POLH: variants seen among roughly 807,000 people sequenced by gnomAD.
POLH encodes the protein DNA polymerase eta transcript.
A neutral mutation model predicts 73.6 loss-of-function variants in POLH; 53 were observed. That is an observed-to-expected ratio of 0.72 (90% CI 0.58 to 0.91). POLH has a LOEUF of 0.91. Among genes scored for constraint, POLH ranks in the 40% least tolerant of loss-of-function variants. The pLI, the probability that POLH is intolerant of heterozygous loss-of-function variation, is 0.00. For synonymous variants in POLH, 292 were observed against 308.5 expected, an observed-to-expected ratio of 0.95 and a Z score of 0.56; for missense variants, 768 against 865.4, an observed-to-expected ratio of 0.89 and a Z score of 1.41.
chr6:43,578,554 A>T (rs1763656663), intron 1 of POLH: 1 of 321,660 alleles, frequency 3.1e-6, no homozygotes, highest in Admixed American at 4.7e-5. Flanking sequence ...GGTCATGAAA[A>T]ACAAGGAACA....
intron 4 of POLH, among the ~76,000 whole-genome samples, chr6:43,595,576 T>C (rs1388035007): frequency 1.3e-5 from 2 of 151,948 alleles, no homozygotes; most frequent in Admixed American, 6.6e-5. Context: ...TGAAACCCCA[T>C]CCCTACTAAA....
chr6:43,598,201 C>CAAAAAAAAAAAAA (rs560020212), intron 5 of POLH, among the ~76,000 whole-genome samples: 758 of 73,156 alleles, frequency 0.01, 17 homozygotes, highest in African/African-American at 0.035. Context: ...AGACTGTCAC[C>CAAAAAAAAAAAAA]AAAAAAAAAA....
intron 3 of POLH, among the ~76,000 whole-genome samples, chr6:43,586,100 T>A (rs369521862): frequency 1.3e-5 from 2 of 152,174 alleles, no homozygotes; most frequent in East Asian, 1.9e-4. Flanking sequence ...GAGGTACCGA[T>A]GTTTTCATTT....
intron 1 of POLH, among the ~76,000 whole-genome samples, chr6:43,577,234 C>T (rs1446123340): frequency 1.3e-5 from 2 of 152,194 alleles, no homozygotes; most frequent in Non-Finnish European, 2.9e-5. Context: ...CGGAAAACCT[C>T]AACAGCTTTA....
chr6:43,603,872 T>C lies in POLH; in HGVS notation c.765-20T>C. On this transcript the variant is annotated intron_variant, in intron 6 of 10. Transcript: ENST00000372236. ...TAGTTATGATGTGACCTATCAATTC[T>C]TTGTCTCCTTTGTTATCAGCCGTAG... 6.2e-7 allele frequency: 1 copy of C among 1,612,686 alleles called. No homozygotes were observed. Among genetic ancestry groups the C allele is most frequent in the East Asian group, 2.2e-5 (1 of 44,822 alleles).
At chr6:43,610,284 C>G (rs189656083) in intron 9 of POLH, among the ~76,000 whole-genome samples, 10 of 152,020 alleles carry the variant, frequency 6.6e-5, no homozygotes, top group African/African-American at 2.4e-4. Context: ...AGGCTAGTCT[C>G]GAACTCCTGA....
At chr6:43,594,130 T>C (rs1765784770) in intron 4 of POLH, among the ~76,000 whole-genome samples, 1 of 152,028 alleles carries the variant, frequency 6.6e-6, no homozygotes, top group Non-Finnish European at 1.5e-5. Flanking sequence ...AAAATCTACA[T>C]TGCCACAGGA....
At chr6:43,582,484 A>C in intron 2 of POLH, 28 bp downstream of exon 2, 1 of 1,608,122 alleles carries the variant, frequency 6.2e-7, no homozygotes, top group Non-Finnish European at 8.5e-7. Context: ...TGTCACAACT[A>C]TTCAATGGTA....
At position 43,617,318 on chromosome 6, in the gene POLH, C is replaced by T. The variant is rs1221270859; in HGVS notation, c.*2761C>T. Among the ~76,000 whole-genome samples, 3 of 152,110 alleles carry T rather than the reference C, an allele frequency of 2.0e-5. No individual in the cohort carries two copies. The highest frequency in any genetic ancestry group is 7.2e-5 in the African/African-American group (3 of 41,426). On this transcript the variant is annotated 3_prime_UTR_variant, in exon 11 of 11. Transcript: ENST00000372236. ...ACCACTATTCCCACTTAATTGTAAT[C>T]TGATATTAACAAGATTTCCCAATGT...
intron 7 of POLH, 79 bp from the exon 8 acceptor site, chr6:43,604,536 T>C: frequency 6.8e-7 from 1 of 1,464,684 alleles, no homozygotes; most frequent in South Asian, 1.1e-5. Context: ...AAAAGGGCAA[T>C]ATAATATAGT....
intron 5 of POLH, among the ~76,000 whole-genome samples, chr6:43,598,655 A>G (rs992364611): frequency 6.6e-6 from 1 of 151,824 alleles, no homozygotes; most frequent in Non-Finnish European, 1.5e-5. Flanking sequence ...AAAGAAAAAG[A>G]AAAGAAAAAC....
rs1032974495 is a variant in POLH at position 43,613,736 on chromosome 6, A to G, written c.1321A>G (p.Thr441Ala). 6.2e-7 allele frequency: 1 copy of G among 1,613,552 alleles called. No homozygotes were observed. The highest frequency in any genetic ancestry group is 1.3e-5 in the African/African-American group (1 of 74,836). Residue 441 changes from threonine (T) to alanine (A), a missense_variant, in exon 11 of 11, where the codon ACC (threonine) becomes GCC (alanine). Physicochemically the swap from Thr to Ala is moderately conservative, Grantham distance 58 (BLOSUM62 0). Transcript: ENST00000372236. ...TGCCCCTTCATCTTCTACAGACATC[A>G]CCAGCTTCTTGAGCAGTGACCCAAG... ...ASAPSSSTDI[T>A]SFLSSDPSSL... is the part of the protein sequence containing the mutation.
chr6:43,611,283 A>G (rs1334153341), intron 10 of POLH, among the ~76,000 whole-genome samples: 3 of 152,206 alleles, frequency 2.0e-5, no homozygotes, highest in Non-Finnish European at 2.9e-5. Context: ...ACAGAGCTCA[A>G]ATTTCAAGGA....
intron 3 of POLH, among the ~76,000 whole-genome samples, chr6:43,586,235 T>C (rs1764807282): frequency 6.6e-6 from 1 of 151,992 alleles, no homozygotes; most frequent in Non-Finnish European, 1.5e-5. Flanking sequence ...TCCCAGCACT[T>C]GGGGAGGCCG....
Position 43,604,006 on chromosome 6 carries a change from G to A in POLH, c.879G>A (p.Lys293=). Residue 293 remains lysine, a synonymous_variant, in exon 7 of 11, where the codon AAG becomes AAA. Transcript: ENST00000372236. ...AGCTCCAGAGTCATTTTGGGGAGAAGAATGGGTAAGTGATTCATTTTTTTT... is the reference window on the plus strand; with the variant it reads ...AGCTCCAGAGTCATTTTGGGGAGAAAAATGGGTAAGTGATTCATTTTTTTT... The part of the protein sequence containing the change: ...ESQLQSHFGE[K]NGSWLYAMCR... The A allele has an allele frequency of 6.2e-7, 1 of 1,612,842 alleles. No homozygotes were observed. The highest frequency in any genetic ancestry group is 8.5e-7 in the Non-Finnish European group (1 of 1,178,864).
rs189392491 is a variant in POLH at position 43,609,478 on chromosome 6, G to T, written c.1075-1076G>T. 2.4e-3 allele frequency among the ~76,000 whole-genome samples: 358 copies of T among 152,120 alleles called. 4 individuals carry two copies. Among genetic ancestry groups the T allele is most frequent in the Middle Eastern group, 3.4e-3 (1 of 294 alleles). On this transcript the variant is annotated intron_variant, in intron 9 of 10. Transcript: ENST00000372236. The stretch of plus-strand genomic sequence containing the variant: ...CTTCTCACTAGCATCTTTTGATAGG[G>T]GTCCCTTATGTAGAATTTTCACCTT...
At chr6:43,598,201 C>CAA (rs560020212) in intron 5 of POLH, among the ~76,000 whole-genome samples, 19 of 73,320 alleles carry the variant, frequency 2.6e-4, no homozygotes, top group Admixed American at 4.6e-4. Context: ...AGACTGTCAC[C>CAA]AAAAAAAAAA....
chr6:43,577,335 C>T (rs1032183566), intron 1 of POLH, among the ~76,000 whole-genome samples: 2 of 152,178 alleles, frequency 1.3e-5, no homozygotes, highest in South Asian at 2.1e-4. Flanking sequence ...ATTCTTGCTC[C>T]ACTTCTGGTA....
Position 43,619,726 on chromosome 6 carries a change from G to A in POLH, c.*5169G>A, listed in dbSNP as rs1411676165. 6.6e-6 allele frequency among the ~76,000 whole-genome samples: 1 copy of A among 152,126 alleles called. No homozygotes were observed. The highest frequency in any genetic ancestry group is 1.5e-5 in the Non-Finnish European group (1 of 68,020). ...ACAGGCAAAAGATAAGTAAATTGTG[G>A]ACAAAGCTTTCATCTCTATCAGCAG... On this transcript the variant is annotated 3_prime_UTR_variant, in exon 11 of 11. Coordinates refer to ENST00000372236, the MANE Select transcript of POLH (RefSeq NM_006502.3).
Sources: gnomAD v4.1 joint callset for allele counts (sites outside exome capture counted in the v4.1 genomes callset) on GRCh38, gnomAD v4.1.1 for gene constraint, MANE v1.5 for transcripts, NCBI Gene and HGNC (gene_info 2026-07-23, HGNC 2026-07-21) for gene names.